SPINT2: variants seen among roughly 807,000 people sequenced by gnomAD.
SPINT2 encodes the protein serine peptidase inhibitor, Kunitz type 2, also known as kunitz-type protease inhibitor 2.
A neutral mutation model predicts 30.1 loss-of-function variants in SPINT2; 18 were observed. The observed-to-expected ratio is 0.60, with a 90% CI of 0.41 to 0.89. The LOEUF (loss-of-function observed/expected upper bound fraction) is 0.89, where lower values mean the gene tolerates loss of function less well. Ranked by LOEUF, SPINT2 falls within the 40% of genes least tolerant of loss-of-function variation. The pLI is 0.00. For missense variants in SPINT2, 276 were observed against 334.3 expected (o/e 0.83, Z 1.36); for synonymous variants, 139 against 137.9 (o/e 1.01, Z -0.05).
intron 1 of SPINT2, among the ~76,000 whole-genome samples, chr19:38,282,427 G>A (rs984939813): frequency 6.6e-6 from 1 of 152,164 alleles, no homozygotes; most frequent in African/African-American, 2.4e-5. Context: ...GGTGATAACC[G>A]TGATACAGGA....
Position 38,283,608 on chromosome 19 carries a change from G to C in SPINT2, c.107-19G>C. The C allele has an allele frequency of 1.2e-6, 2 of 1,613,844 alleles. No individual in the cohort carries two copies. The highest frequency in any genetic ancestry group is 2.2e-5 in the South Asian group (2 of 91,072). On this transcript the variant is annotated intron_variant, in intron 1 of 6. Coordinates refer to ENST00000301244, the MANE Select transcript of SPINT2 (RefSeq NM_021102.4). The stretch of plus-strand genomic sequence containing the variant: ...AGGATTGCCCTGCCAAGCTAACCGG[G>C]TTGTGCTTCGCGTTTCAGACTTCTG...
chr19:38,277,647 A>G (rs895456392), intron 1 of SPINT2, among the ~76,000 whole-genome samples: 1 of 152,212 alleles, frequency 6.6e-6, no homozygotes, highest in African/African-American at 2.4e-5. Context: ...TCTTGGTTAA[A>G]GCTCTAGTGA....
At chr19:38,268,363 A>G (rs1435748714) in intron 1 of SPINT2, among the ~76,000 whole-genome samples, 2 of 152,286 alleles carry the variant, frequency 1.3e-5, no homozygotes, top group African/African-American at 4.8e-5. Flanking sequence ...GAAAGCACGC[A>G]GAGATTATAA....
intron 1 of SPINT2, among the ~76,000 whole-genome samples, chr19:38,266,575 C>T (rs554558093): frequency 6.6e-6 from 1 of 151,994 alleles, no homozygotes; most frequent in South Asian, 2.1e-4. Flanking sequence ...ACTCGGGAGG[C>T]TGAGGCAGGA....
chr19:38,269,832 A>G (rs1968430481), intron 1 of SPINT2, among the ~76,000 whole-genome samples: 1 of 152,092 alleles, frequency 6.6e-6, no homozygotes, highest in African/African-American at 2.4e-5. Flanking sequence ...GATGGTCTTG[A>G]TCTCCTGACC....
At chr19:38,291,762 C>T in intron 6 of SPINT2, 78 bp from the exon 7 acceptor site, 11 of 1,550,542 alleles carry the variant, frequency 7.1e-6, no homozygotes, top group Non-Finnish European at 9.6e-6. Context: ...ACCTGGATTC[C>T]CCAGGCCCTT....
chr19:38,290,136 G>T lies in SPINT2; in HGVS notation c.409G>T (p.Ala137Ser), dbSNP rs761038456. The change falls in exon 5 of 7, where the codon GCA (alanine) becomes TCA (serine). Residue 137 changes from alanine (A) to serine (S), a missense_variant. Physicochemically the swap from Ala to Ser is moderately conservative, Grantham distance 99. Coordinates refer to ENST00000301244, the MANE Select transcript of SPINT2 (RefSeq NM_021102.4). This position sits in a 1 kb window ranked among gnomAD's most constrained non-coding sequence, Gnocchi z 4.3. ...ACTCCTAGAATACTGCACCGCCAAC[G>T]CAGTCACTGGGCCTTGCCGTGCATC... ...FNYEEYCTAN[A>S]VTGPCRASFP... 6.2e-7 allele frequency: 1 copy of T among 1,612,534 alleles called. No homozygotes were observed. The highest frequency in any genetic ancestry group is 1.7e-5 in the Admixed American group (1 of 60,030).
At chr19:38,281,119 A>G (rs1219530762) in intron 1 of SPINT2, among the ~76,000 whole-genome samples, 1 of 152,136 alleles carries the variant, frequency 6.6e-6, no homozygotes, top group Non-Finnish European at 1.5e-5. Context: ...TGGGGTGGGC[A>G]GAGTCACACA....
chr19:38,288,432 G>C, intron 3 of SPINT2: 1 of 257,848 alleles, frequency 3.9e-6, no homozygotes, highest in Non-Finnish European at 7.7e-6. Context: ...TTGCTTTGTA[G>C]TGCTGGCGGC....
intron 1 of SPINT2, among the ~76,000 whole-genome samples, chr19:38,268,042 C>T (rs1427772157): frequency 6.6e-6 from 1 of 152,024 alleles, no homozygotes; most frequent in African/African-American, 2.4e-5. Context: ...AAGATTTGCT[C>T]AAGACCAGTC....
At position 38,264,680 on chromosome 19, in the gene SPINT2, C is replaced by G. The variant is rs1968354501; in HGVS notation, c.-213C>G. On this transcript the variant is annotated 5_prime_UTR_variant, in exon 1 of 7. Transcript: ENST00000301244. ...GCGAGGGCGCGAGTGAGGAGCAGAC[C>G]CAGGCATCGCGCGCCGAGAAGGCCG... 1 of 576,486 alleles carries G rather than the reference C, an allele frequency of 1.7e-6. No homozygotes were observed. The highest frequency in any genetic ancestry group is 3.0e-5 in the Admixed American group (1 of 33,134). 35.7% of individuals were successfully genotyped at this position (576,486 alleles called of 1,614,324 possible). A position where few individuals can be genotyped will look rare whatever the true frequency, so the allele number is the denominator to read the frequency against.
At chr19:38,265,905 T>C (rs1402551267) in intron 1 of SPINT2, among the ~76,000 whole-genome samples, 2 of 152,166 alleles carry the variant, frequency 1.3e-5, no homozygotes, top group Non-Finnish European at 2.9e-5. Context: ...GAGGCAGAGC[T>C]AGTGAAGGTT....
intron 2 of SPINT2, among the ~76,000 whole-genome samples, chr19:38,287,586 C>T (rs1214698498): frequency 6.6e-6 from 1 of 151,676 alleles, no homozygotes; most frequent in African/African-American, 2.4e-5. Context: ...CTTGGCCTCC[C>T]AAAGTACTGG....
In SPINT2 at chr19:38,289,048, C is replaced by T; in HGVS notation, c.338-90C>T. 17 of 1,188,528 alleles carry T rather than the reference C, an allele frequency of 1.4e-5. 2 individuals are homozygous for T. The South Asian group carries it at 1.9e-4, about 14-fold the overall frequency. 73.6% of individuals were successfully genotyped at this position (1,188,528 alleles called of 1,614,324 possible). A position where few individuals can be genotyped will look rare whatever the true frequency, so the allele number is the denominator to read the frequency against. ...ACCCCTTCTTAAAGGCGTGTCCACA[C>T]TCCTCAGTGGGCCCTTCCAGACCCA... On this transcript the variant is annotated intron_variant, in intron 3 of 6. Coordinates refer to ENST00000301244, the MANE Select transcript of SPINT2 (RefSeq NM_021102.4).
chr19:38,290,602 C>T lies in SPINT2; in HGVS notation c.592+27C>T, dbSNP rs1423851656. The T allele has an allele frequency of 1.2e-6, 2 of 1,612,110 alleles. No individual in the cohort carries two copies. The highest frequency in any genetic ancestry group is 1.7e-6 in the Non-Finnish European group (2 of 1,179,208). On this transcript the variant is annotated intron_variant, in intron 6 of 6. Coordinates refer to ENST00000301244, the MANE Select transcript of SPINT2 (RefSeq NM_021102.4). The surrounding 1 kb of genome is among the most constrained non-coding windows in gnomAD (Gnocchi z 4.3). ...TAAGTGGCCCCTTACCCTCCTCCTGCCATCAGCCTGCCTCCTCCCTTCCTT... is the reference window on the plus strand; with the variant it reads ...TAAGTGGCCCCTTACCCTCCTCCTGTCATCAGCCTGCCTCCTCCCTTCCTT...
rs1201308111 is a variant in SPINT2, at chr19:38,290,478, G to A, written c.554-59G>A. The A allele has an allele frequency of 6.2e-7, 1 of 1,613,360 alleles. No homozygotes were observed. Among genetic ancestry groups the A allele is most frequent in the Non-Finnish European group, 8.5e-7 (1 of 1,179,698 alleles). On this transcript the variant is annotated intron_variant, in intron 5 of 6. Transcript: ENST00000301244. This position sits in a 1 kb window ranked among gnomAD's most constrained non-coding sequence, Gnocchi z 4.3. Reference sequence around the variant, plus strand: ...GAGGCCCTGGCTGAGGGGATCCCCTGCGGCAGCTCTGTGGAATGGGGGCTG... The same window carrying A: ...GAGGCCCTGGCTGAGGGGATCCCCTACGGCAGCTCTGTGGAATGGGGGCTG...
At chr19:38,266,377 C>CCA (rs750704219) in intron 1 of SPINT2, among the ~76,000 whole-genome samples, 3 of 136,204 alleles carry the variant, frequency 2.2e-5, no homozygotes, top group African/African-American at 8.0e-5. Context: ...ACTCCCATCT[C>CCA]AAAAAAAAAA....
At position 38,287,100 on chromosome 19, in the gene SPINT2, T is replaced by G. The variant is rs1320436763; in HGVS notation, c.278-776T>G. ...GGTCAATGGTGTGATCTCGGCTCAC[T>G]ACAACCTCTGCCTCCCAGGTTCAGG... On this transcript the variant is annotated intron_variant, in intron 2 of 6. Coordinates refer to ENST00000301244, the MANE Select transcript of SPINT2 (RefSeq NM_021102.4). Among the ~76,000 whole-genome samples, 4 of 152,094 alleles carry G rather than the reference T, an allele frequency of 2.6e-5. No homozygotes were observed. In the East Asian group the frequency reaches 7.7e-4, roughly 29 times the overall value.
rs551204432 is a variant in SPINT2, at chr19:38,283,829, T to C, written c.277+32T>C. 3.2e-6 allele frequency: 5 copies of C among 1,540,206 alleles called. No homozygotes were observed. In the South Asian group the frequency reaches 5.9e-5, roughly 18 times the overall value. On this transcript the variant is annotated intron_variant, in intron 2 of 6. Transcript: ENST00000301244. ...TGGCAGTAGTTGGAGCTTTTGTTTT[T>C]TTCCTTTTTTTTTTTTTTTTTTTTT...
Sources: gnomAD v4.1 joint callset for allele counts (sites outside exome capture counted in the v4.1 genomes callset) on GRCh38, gnomAD v4.1.1 for gene constraint, Gnocchi (gnomAD v3.1) non-coding constraint, MANE v1.5 for transcripts, NCBI Gene and HGNC (gene_info 2026-07-23, HGNC 2026-07-21) for gene names.